OAS2: variants seen among roughly 807,000 people sequenced by gnomAD.
OAS2 encodes 2'-5'-oligoadenylate synthetase 2, also known as 2'-5'-oligoadenylate synthase 2.
A neutral mutation model predicts 71.3 loss-of-function variants in OAS2; 67 were observed. The observed-to-expected ratio is 0.94, with a 90% CI of 0.77 to 1.15. The LOEUF (loss-of-function observed/expected upper bound fraction) is 1.15. Ranked by LOEUF, OAS2 falls within the 50% of genes most tolerant of loss-of-function variation. OAS2 has a pLI of 0.00. For missense variants in OAS2, 789 were observed against 822.5 expected (o/e 0.96, Z 0.50); for synonymous variants, 327 against 321.8 (o/e 1.02, Z -0.17).
At chr12:113,004,529 C>T (rs1341428275) in intron 6 of OAS2, among the ~76,000 whole-genome samples, 1 of 152,174 alleles carries the variant, frequency 6.6e-6, no homozygotes, top group African/African-American at 2.4e-5. Flanking sequence ...GATCGCCAGA[C>T]CTGCAGGAGA....
intron 2 of OAS2, among the ~76,000 whole-genome samples, chr12:112,993,908 C>A (rs1024655931): frequency 3.3e-5 from 5 of 151,656 alleles, no homozygotes; most frequent in African/African-American, 1.2e-4. Context: ...ACTCAGTAGT[C>A]CTATAGACCA....
At chr12:113,006,385 C>T in intron 7 of OAS2, 28 bp from the exon 8 acceptor site, 2 of 1,505,884 alleles carry the variant, frequency 1.3e-6, no homozygotes, top group South Asian at 1.3e-5. Flanking sequence ...TGTATTAAAG[C>T]AGGATGTCAA....
chr12:112,988,255 G>C, intron 2 of OAS2: 2 of 979,170 alleles, frequency 2.0e-6, no homozygotes, highest in Non-Finnish European at 2.4e-6. Flanking sequence ...TGGCCAAATT[G>C]AATTTAATGG....
intron 2 of OAS2, chr12:112,987,905 TC>T: frequency 9.1e-6 from 9 of 985,656 alleles, no homozygotes; most frequent in Non-Finnish European, 1.1e-5. Context: ...GTCTCCTGTC[TC>T]AGCAAACATT....
At position 113,011,487 on chromosome 12, in the gene OAS2, G is replaced by C. The variant is rs958502361; in HGVS notation, c.*2232G>C. On this transcript the variant is annotated 3_prime_UTR_variant, in exon 10 of 10. Coordinates refer to ENST00000392583, the MANE Select transcript of OAS2 (RefSeq NM_002535.3). ...ATTGAGTTCAATTTTAACATGGCCA[G>C]TGATTTAAGCAATGCTGCCTATGTA... is the stretch of plus-strand genomic sequence containing the variant. The C allele has an allele frequency of 1.3e-5, 2 of 152,250 alleles. No individual in the cohort carries two copies. Among genetic ancestry groups the C allele is most frequent in the African/African-American group, 4.8e-5 (2 of 41,470 alleles). The allele number at this position is 152,250 out of a possible 1,614,324, so 9.4% of individuals were successfully genotyped here.
intron 1 of OAS2, among the ~76,000 whole-genome samples, chr12:112,979,682 T>C (rs1412439050): frequency 6.6e-6 from 1 of 151,986 alleles, no homozygotes; most frequent in Non-Finnish European, 1.5e-5. Context: ...GCTTGATAGG[T>C]AGCCACAAAC....
At chr12:113,004,183 C>T (rs896029491) in intron 6 of OAS2, among the ~76,000 whole-genome samples, 9 of 152,104 alleles carry the variant, frequency 5.9e-5, no homozygotes, top group Non-Finnish European at 7.4e-5. Flanking sequence ...TGAGAGGAGC[C>T]GCCGAAGCCC....
chr12:112,987,344 A>C, intron 2 of OAS2, 36 bp downstream of exon 2: 1 of 1,612,828 alleles, frequency 6.2e-7, no homozygotes, highest in Non-Finnish European at 8.5e-7. Flanking sequence ...GAAAAGCCAA[A>C]GAAGCGGGTG....
intron 2 of OAS2, chr12:112,987,552 C>G: frequency 7.2e-7 from 1 of 1,394,882 alleles, no homozygotes; most frequent in South Asian, 1.9e-5. Context: ...TAAGGCAGAG[C>G]CTTTTAAGCC....
At position 113,009,128 on chromosome 12, in the gene OAS2, G is replaced by T; in HGVS notation, c.1937G>T (p.Gly646Val). 1 of 1,614,028 alleles carries T rather than the reference G, an allele frequency of 6.2e-7. No homozygotes were observed. Among genetic ancestry groups the T allele is most frequent in the Non-Finnish European group, 8.5e-7 (1 of 1,180,012 alleles). ...CCAGCCGAACCCACAGGTGACGTGG[G>T]TGGAGGGGACCGTTGGTGTTGGCAT... is the stretch of plus-strand genomic sequence containing the variant. The part of the protein sequence containing the change: ...LDPAEPTGDV[G>V]GGDRWCWHLL... The change falls in exon 10 of 10, where the codon GGT (glycine) becomes GTT (valine). Residue 646 changes from glycine (G) to valine (V), a missense_variant. Coordinates refer to ENST00000392583, the MANE Select transcript of OAS2 (RefSeq NM_002535.3).
At chr12:112,984,599 C>T (rs1009156545) in intron 1 of OAS2, among the ~76,000 whole-genome samples, 1 of 152,152 alleles carries the variant, frequency 6.6e-6, no homozygotes, top group African/African-American at 2.4e-5. Flanking sequence ...CAACTTACTC[C>T]TGTCATTTTG....
intron 2 of OAS2, chr12:112,987,532 T>G: frequency 2.1e-6 from 3 of 1,411,826 alleles, no homozygotes; most frequent in Non-Finnish European, 2.8e-6. Context: ...ATGTTCTGGA[T>G]TCTAGAATCT....
intron 2 of OAS2, among the ~76,000 whole-genome samples, chr12:112,994,008 C>A (rs942623482): frequency 6.6e-6 from 1 of 151,746 alleles, no homozygotes; most frequent in Non-Finnish European, 1.5e-5. Context: ...TAGAAATTGA[C>A]CCTTCTGATC....
intron 2 of OAS2, chr12:112,987,977 G>T (rs902819856): frequency 3.0e-6 from 3 of 985,324 alleles, no homozygotes; most frequent in African/African-American, 3.5e-5. Flanking sequence ...TTTAATAAAA[G>T]ATGGCTAGAG....
chr12:113,002,934 T>C lies in OAS2; in HGVS notation c.1011T>C (p.Pro337=). 6.2e-7 allele frequency: 1 copy of C among 1,613,932 alleles called. No individual in the cohort carries two copies. Among genetic ancestry groups the C allele is most frequent in the Non-Finnish European group, 8.5e-7 (1 of 1,179,880 alleles). ...TGGGGTCTTCCTTCCTTCCCCAGCC[T>C]GCACCACTCTTCACGACCCCAGGCC... ...ELPAPSWNVL[P]APLFTTPGHL... is the part of the protein sequence containing the mutation. The change falls in exon 6 of 10, where the codon CCT becomes CCC. Residue 337 remains proline, a splice_region_variant and synonymous_variant. Transcript: ENST00000392583.
intron 5 of OAS2, among the ~76,000 whole-genome samples, chr12:112,999,735 A>T (rs1367412176): frequency 6.6e-6 from 1 of 152,160 alleles, no homozygotes; most frequent in Non-Finnish European, 1.5e-5. Flanking sequence ...TTTTTCAAAA[A>T]ATTATCCCCC....
At chr12:112,992,393 G>GA (rs57482640) in intron 2 of OAS2, among the ~76,000 whole-genome samples, 61 of 96,658 alleles carry the variant, frequency 6.3e-4, no homozygotes, top group South Asian at 6.9e-4. Flanking sequence ...CTTGTCAAAA[G>GA]AAAAAAAAAA....
chr12:112,998,366 C>T lies in OAS2; in HGVS notation c.964C>T (p.Pro322Ser), dbSNP rs1009455541. The T allele has an allele frequency of 6.2e-7, 1 of 1,610,636 alleles. No individual in the cohort carries two copies. The highest frequency in any genetic ancestry group is 1.3e-5 in the African/African-American group (1 of 74,650). Residue 322 changes from proline to serine, a missense_variant, in exon 5 of 10, where the codon CCC becomes TCC. By Grantham distance (74) the Pro-to-Ser change is moderately conservative (BLOSUM62 -1). Transcript: ENST00000392583. ...KKEAQTWLTS[P>S]NLDNELPAPS... ...AGAAGCTCAAACCTGGTTGACTTCT[C>T]CCAACCTGGATAATGAGTTACCTGC... is the stretch of plus-strand genomic sequence containing the variant.
intron 1 of OAS2, among the ~76,000 whole-genome samples, chr12:112,982,441 C>T (rs2044092867): frequency 6.6e-6 from 1 of 151,928 alleles, no homozygotes; most frequent in Admixed American, 6.6e-5. Flanking sequence ...ATGATTTGTC[C>T]TTCATTATGT....
Sources: gnomAD v4.1 joint callset for allele counts (sites outside exome capture counted in the v4.1 genomes callset) on GRCh38, gnomAD v4.1.1 for gene constraint, MANE v1.5 for transcripts, NCBI Gene and HGNC (gene_info 2026-07-23, HGNC 2026-07-21) for gene names.